Variants in PCDHGA1 observed in about 807,000 individuals in gnomAD.
PCDHGA1 encodes the protein protocadherin gamma subfamily A, 1.
PCDHGA1 carries 32 observed loss-of-function variants against 58.0 expected under a neutral mutation model. The observed-to-expected ratio is 0.55, with a 90% CI of 0.42 to 0.74. The LOEUF (loss-of-function observed/expected upper bound fraction) is 0.74. Among genes scored for constraint, PCDHGA1 ranks in the 30% least tolerant of loss-of-function variants. The pLI is 0.00. For synonymous variants in PCDHGA1, 498 were observed against 501.1 expected, an observed-to-expected ratio of 0.99 and a Z score of 0.08; for missense variants, 1,205 against 1,182.3, an observed-to-expected ratio of 1.02 and a Z score of -0.28.
Position 141,432,979 on chromosome 5 carries a change from TGTGGGC to T in PCDHGA1, c.2422-61823_2422-61818del. 1 of 1,614,228 alleles carries T rather than the reference TGTGGGC, an allele frequency of 6.2e-7. No individual in the cohort carries two copies. On this transcript the variant is annotated intron_variant, in intron 1 of 3. Coordinates refer to ENST00000517417, the MANE Select transcript of PCDHGA1 (RefSeq NM_018912.3). The surrounding 1 kb of genome is among the most constrained non-coding windows in gnomAD (Gnocchi z 6.0). ...TGACAGGAGCGCCGGCGTCGCACTTTGTGGGCGTGGACGGGGTGCAGGCTTTCCTGC... is the reference window on the plus strand; with the variant it reads ...TGACAGGAGCGCCGGCGTCGCACTTTGTGGACGGGGTGCAGGCTTTCCTGC...
At chr5:141,414,557 A>T (rs749209012) in intron 1 of PCDHGA1, 25 of 1,613,906 alleles carry the variant, frequency 1.5e-5, no homozygotes, top group Non-Finnish European at 2.0e-5. Flanking sequence ...CAAGTCTCCT[A>T]CTTTACCTAT....
rs111388524 is a variant in PCDHGA1, at chr5:141,376,009, A to C, written c.2421+42904A>C. On this transcript the variant is annotated intron_variant, in intron 1 of 3. Transcript: ENST00000517417. ...ACAGAGACGCGCTCAAGCAGAGCCTAGTGGTGGCCGTCCAGGACCACGGCC... is the reference window on the plus strand; with the variant it reads ...ACAGAGACGCGCTCAAGCAGAGCCTCGTGGTGGCCGTCCAGGACCACGGCC... 13,464 of 1,612,162 alleles carry C rather than the reference A, an allele frequency of 8.4e-3. 162 individuals carry two copies. The highest frequency in any genetic ancestry group is 0.039 in the African/African-American group (2,956 of 74,982).
At position 141,433,358 on chromosome 5, in the gene PCDHGA1, C is replaced by CTATCTAT. The variant is rs2097585632; in HGVS notation, c.2422-61449_2422-61448insTATCTAT. ...ACAGGTGCAAGCCACCTACTGTCTG[C>CTATCTAT]CTATCTATCTATCTATCTATCTATC... On this transcript the variant is annotated intron_variant, in intron 1 of 3. Coordinates refer to ENST00000517417, the MANE Select transcript of PCDHGA1 (RefSeq NM_018912.3). 11 of 503,932 alleles carry CTATCTAT rather than the reference C, an allele frequency of 2.2e-5. No individual in the cohort carries two copies. The African/African-American group carries it at 2.3e-4, about 10-fold the overall frequency. The allele number at this position is 503,932 out of a possible 1,614,324, so 31.2% of individuals were successfully genotyped here.
rs1364667381 is a variant in PCDHGA1, at chr5:141,355,397, T to G, written c.2421+22292T>G. The G allele has an allele frequency of 3.7e-6, 6 of 1,614,048 alleles. No individual in the cohort carries two copies. The South Asian group carries it at 6.6e-5, about 18-fold the overall frequency. On this transcript the variant is annotated intron_variant, in intron 1 of 3. Coordinates refer to ENST00000517417, the MANE Select transcript of PCDHGA1 (RefSeq NM_018912.3). ...GAGCTGGCGGAGCGCGGAGTCCGCA[T>G]CGTCTCCAGAGGTAGGACGCAGCTT...
chr5:141,476,738 C>T lies in PCDHGA1; in HGVS notation c.2422-18069C>T. 6.2e-7 allele frequency: 1 copy of T among 1,614,076 alleles called. No individual in the cohort carries two copies. The highest frequency in any genetic ancestry group is 2.2e-5 in the East Asian group (1 of 44,880). On this transcript the variant is annotated intron_variant, in intron 1 of 3. Transcript: ENST00000517417. This position sits in a 1 kb window ranked among gnomAD's most constrained non-coding sequence, Gnocchi z 7.6. Reference sequence around the variant, plus strand: ...GCGCGCCCTGGACCGAGAACGGGAGCCTAGTCTCCAGTTAGTGCTGACGGC... The same window carrying T: ...GCGCGCCCTGGACCGAGAACGGGAGTCTAGTCTCCAGTTAGTGCTGACGGC...
At chr5:141,481,894 A>G (rs1278425155) in intron 1 of PCDHGA1, among the ~76,000 whole-genome samples, 1 of 145,812 alleles carries the variant, frequency 6.9e-6, no homozygotes, top group Non-Finnish European at 1.5e-5. Flanking sequence ...AGCCTGGGTG[A>G]AAGAGCGAAA....
In PCDHGA1 at chr5:141,331,374, T is replaced by C. The variant is rs747509709; in HGVS notation, c.690T>C (p.Ile230=). ...GTTCAGGGACCCTCAGAATTTACATTCAGGTGGTGGATGCAAATGACAATC... is the reference window on the plus strand; with the variant it reads ...GTTCAGGGACCCTCAGAATTTACATCCAGGTGGTGGATGCAAATGACAATC... ...PVRSGTLRIY[I]QVVDANDNPP... is the part of the protein sequence containing the mutation. The change falls in exon 1 of 4, where the codon ATT becomes ATC. Residue 230 remains isoleucine (I), a synonymous_variant. Coordinates refer to ENST00000517417, the MANE Select transcript of PCDHGA1 (RefSeq NM_018912.3). 2.5e-6 allele frequency: 4 copies of C among 1,614,126 alleles called. No individual in the cohort carries two copies. The highest frequency in any genetic ancestry group is 3.4e-6 in the Non-Finnish European group (4 of 1,180,034).
intron 1 of PCDHGA1, chr5:141,409,628 G>A (rs367728235): frequency 1.2e-6 from 2 of 1,613,730 alleles, no homozygotes; most frequent in Non-Finnish European, 1.7e-6. Context: ...GCAAGTGAGC[G>A]CCTCTGACCC....
chr5:141,511,320 A>G lies in PCDHGA1; in HGVS notation c.*147A>G. ...CATGCTCCCCTTGGGAAACAGAAAC[A>G]AGTGCCCAGTCAGCACCTACCCCTT... On this transcript the variant is annotated 3_prime_UTR_variant, in exon 4 of 4. Transcript: ENST00000517417. 6.8e-7 allele frequency: 1 copy of G among 1,475,678 alleles called. No homozygotes were observed. The highest frequency in any genetic ancestry group is 1.4e-5 in the South Asian group (1 of 72,746). 91.4% of individuals were successfully genotyped at this position (1,475,678 alleles called of 1,614,324 possible).
intron 1 of PCDHGA1, chr5:141,357,048 A>C: frequency 6.2e-7 from 1 of 1,614,008 alleles, no homozygotes; most frequent in Non-Finnish European, 8.5e-7. Context: ...AGCCGGGACT[A>C]TTTGCAGTGG....
intron 1 of PCDHGA1, chr5:141,433,165 C>T: frequency 2.5e-6 from 4 of 1,613,470 alleles, no homozygotes; most frequent in Non-Finnish European, 2.5e-6. Context: ...TTTCTAAAGA[C>T]AGTCATGGGT....
chr5:141,374,340 C>T, intron 1 of PCDHGA1: 1 of 1,614,016 alleles, frequency 6.2e-7, no homozygotes, highest in Non-Finnish European at 8.5e-7. Context: ...AGCTTGGTCA[C>T]CGCGGGTAGG....
chr5:141,373,266 C>T (rs894393733), intron 1 of PCDHGA1, among the ~76,000 whole-genome samples: 1 of 152,300 alleles, frequency 6.6e-6, no homozygotes, highest in Non-Finnish European at 1.5e-5. Context: ...TAAAAGTATA[C>T]ACAGATGTTG....
In PCDHGA1 at chr5:141,477,857, C is replaced by A. The variant is rs548674958; in HGVS notation, c.2422-16950C>A. On this transcript the variant is annotated intron_variant, in intron 1 of 3. Transcript: ENST00000517417. The surrounding 1 kb of genome is among the most constrained non-coding windows in gnomAD (Gnocchi z 4.9). ...AGGTGGGAGCTCGGTGGAGATGCTG[C>A]CTCGAGGTACCTCAGCTGGCCACCT... 2.9e-5 allele frequency: 47 copies of A among 1,613,454 alleles called. No individual in the cohort carries two copies. In the South Asian group the frequency reaches 4.9e-4, roughly 17 times the overall value.
chr5:141,505,523 G>A, intron 3 of PCDHGA1, 42 bp downstream of exon 3: 1 of 1,612,760 alleles, frequency 6.2e-7, no homozygotes, highest in Middle Eastern at 1.7e-4. Flanking sequence ...GGGAGACCTG[G>A]GGTTCTGGGG....
intron 1 of PCDHGA1, chr5:141,341,266 G>A (rs1757039883): frequency 6.2e-7 from 1 of 1,614,232 alleles, no homozygotes; most frequent in African/African-American, 1.3e-5. Flanking sequence ...ACTCGCGGAA[G>A]AGCCACCTGA....
intron 1 of PCDHGA1, among the ~76,000 whole-genome samples, chr5:141,335,201 T>C (rs1411011879): frequency 6.6e-6 from 1 of 152,198 alleles, no homozygotes; most frequent in African/African-American, 2.4e-5. Context: ...GCTCTTATAA[T>C]CATAATTTTT....
intron 1 of PCDHGA1, chr5:141,370,899 C>T (rs1767293695): frequency 1.2e-6 from 2 of 1,614,010 alleles, no homozygotes. Flanking sequence ...TTCGCTGCAG[C>T]AGTACTACCT....
chr5:141,355,807 G>T (rs1444554207), intron 1 of PCDHGA1: 2 of 1,613,264 alleles, frequency 1.2e-6, no homozygotes. Context: ...TCTAGATCGC[G>T]AGGAAGAGGC....
Sources: allele counts gnomAD v4.1 joint callset (sites outside exome capture counted in the v4.1 genomes callset), GRCh38; gene constraint gnomAD v4.1.1; non-coding constraint Gnocchi (gnomAD v3.1); transcripts MANE v1.5; gene names NCBI Gene and HGNC (gene_info 2026-07-23, HGNC 2026-07-21).